PCDH15: variants seen among roughly 807,000 people sequenced by gnomAD.
PCDH15 encodes the protein protocadherin-15.
In PCDH15, 129 loss-of-function variants were observed where a neutral mutation model predicts 178.5. The observed-to-expected ratio is 0.72, with a 90% CI of 0.63 to 0.84. PCDH15 has a LOEUF of 0.84. Ranked by LOEUF, PCDH15 falls within the 40% of genes least tolerant of loss-of-function variation. PCDH15 has a pLI of 0.00. For synonymous variants in PCDH15, 800 were observed against 732.0 expected, an observed-to-expected ratio of 1.09 and a Z score of -1.50; for missense variants, 2,230 against 2,099.9, an observed-to-expected ratio of 1.06 and a Z score of -1.21.
chr10:54,185,140 G>T lies in PCDH15; in HGVS notation c.1434C>A (p.Thr478=). The T allele has an allele frequency of 1.2e-6, 2 of 1,613,326 alleles. No individual in the cohort carries two copies. Among genetic ancestry groups the T allele is most frequent in the Non-Finnish European group, 1.7e-6 (2 of 1,179,544 alleles). Residue 478 remains threonine (T), a synonymous_variant, in exon 12 of 38, where the codon ACC becomes ACA. Coordinates refer to ENST00000644397, the MANE Select transcript of PCDH15 (RefSeq NM_001384140.1). ...TTACACAAAAGCTCTTTACCGAAAAGGTGTAAGTTTGCTGTTCTTCCCTGT... is the reference window on the plus strand; with the variant it reads ...TTACACAAAAGCTCTTTACCGAAAATGTGTAAGTTTGCTGTTCTTCCCTGT... ...PVDREEQQTY[T]FSITAFDGVQ...
At chr10:54,821,068 C>T (rs1055545151) in intron 3 of PCDH15, among the ~76,000 whole-genome samples, 5 of 151,982 alleles carry the variant, frequency 3.3e-5, no homozygotes, top group East Asian at 3.9e-4. Flanking sequence ...CTTACCCAGT[C>T]TTGATTATTT....
At chr10:55,615,140 T>A in intron 2 of PCDH15, among the ~76,000 whole-genome samples, 1 of 152,054 alleles carries the variant, frequency 6.6e-6, no homozygotes, top group East Asian at 1.9e-4. Context: ...ATACAAATCA[T>A]AACATGAAAA....
intron 18 of PCDH15, among the ~76,000 whole-genome samples, chr10:54,049,904 C>T (rs2093731748): frequency 6.6e-6 from 1 of 152,154 alleles, no homozygotes; most frequent in Non-Finnish European, 1.5e-5. Context: ...CAGGTGTGAG[C>T]CATGGTGCCC....
At chr10:54,291,741 G>C (rs2059423566) in intron 8 of PCDH15, among the ~76,000 whole-genome samples, 1 of 152,104 alleles carries the variant, frequency 6.6e-6, no homozygotes, top group Admixed American at 6.5e-5. Context: ...TAAATTCCTG[G>C]ACACATATGC....
rs531737528 is a variant in PCDH15 at position 55,618,273 on chromosome 10, G to T, written c.-156+9352C>A. ...TAGTCATTCACCAGAAAAATTTACT[G>T]AGGTAAACTTTTTTGATTATCCTTT... On this transcript the variant is annotated intron_variant, in intron 2 of 5. Coordinates refer to the PCDH15 transcript ENST00000613346. Among the ~76,000 whole-genome samples, 22 of 152,032 alleles carry T rather than the reference G, an allele frequency of 1.4e-4. 1 individual carries two copies. The highest frequency in any genetic ancestry group is 5.1e-4 in the African/African-American group (21 of 41,526).
chr10:53,995,688 T>C lies in PCDH15; in HGVS notation c.2829A>G (p.Thr943=), dbSNP rs2091801237. ...GMVAPDAVKG[T]PITTVYAEDA... is the part of the protein sequence containing the mutation. Reference sequence around the variant, plus strand: ...CTTCAGCATAAACTGTTGTGATAGGTGTACCCTTGACTGCATCCGGAGCCA... The same window carrying C: ...CTTCAGCATAAACTGTTGTGATAGGCGTACCCTTGACTGCATCCGGAGCCA... The change falls in exon 21 of 38, where the codon ACA becomes ACG. Residue 943 remains threonine (T), a synonymous_variant. Transcript: ENST00000644397. 8 of 1,613,954 alleles carry C rather than the reference T, an allele frequency of 5.0e-6. No individual in the cohort carries two copies. Among genetic ancestry groups the C allele is most frequent in the Non-Finnish European group, 5.9e-6 (7 of 1,179,850 alleles).
In PCDH15 at chr10:54,084,108, C is replaced by A. The variant is rs185936089; in HGVS notation, c.1998-4684G>T. Reference sequence around the variant, plus strand: ...CTTTTTTTTTTTTATTTTTTTGAGACAGAGTCTCTCTCTGTTGCCCAGGCT... The same window carrying A: ...CTTTTTTTTTTTTATTTTTTTGAGAAAGAGTCTCTCTCTGTTGCCCAGGCT... On this transcript the variant is annotated intron_variant, in intron 16 of 37. Transcript: ENST00000644397. Among the ~76,000 whole-genome samples the A allele has an allele frequency of 2.0e-3, 305 of 149,842 alleles. 1 individual carries two copies. The highest frequency in any genetic ancestry group is 7.1e-3 in the African/African-American group (289 of 40,714).
chr10:54,965,464 T>C (rs1266245785), intron 2 of PCDH15, among the ~76,000 whole-genome samples: 1 of 152,070 alleles, frequency 6.6e-6, no homozygotes, highest in Non-Finnish European at 1.5e-5. Flanking sequence ...TCCTTGACCT[T>C]CTGCCATGAT....
In PCDH15 at chr10:53,842,212, T is replaced by C. The variant is rs142524363; in HGVS notation, c.3807-1716A>G. Among the ~76,000 whole-genome samples, 34 of 152,272 alleles carry C rather than the reference T, an allele frequency of 2.2e-4. No homozygotes were observed. In the East Asian group the frequency reaches 6.6e-3, roughly 29 times the overall value. On this transcript the variant is annotated intron_variant, in intron 28 of 37. Coordinates refer to ENST00000644397, the MANE Select transcript of PCDH15 (RefSeq NM_001384140.1). The stretch of plus-strand genomic sequence containing the variant: ...AATTTTAATTTCCTTTGCCTTTCAA[T>C]TGCATAACCTTAGACAAGTAATCTT...
intron 2 of PCDH15, among the ~76,000 whole-genome samples, chr10:55,028,333 A>G (rs1840526706): frequency 6.6e-6 from 1 of 151,924 alleles, no homozygotes; most frequent in Non-Finnish European, 1.5e-5. Context: ...AGTAAATCTA[A>G]GAAGAAAATT....
intron 26 of PCDH15, among the ~76,000 whole-genome samples, chr10:53,880,309 A>G (rs1431328476): frequency 6.6e-6 from 1 of 152,246 alleles, no homozygotes; most frequent in East Asian, 1.9e-4. Flanking sequence ...TGCTAACAGT[A>G]CAAGTCATTT....
At chr10:54,470,757 C>T (rs2077860531) in intron 3 of PCDH15, among the ~76,000 whole-genome samples, 1 of 152,138 alleles carries the variant, frequency 6.6e-6, no homozygotes, top group Non-Finnish European at 1.5e-5. Flanking sequence ...GGCTGCCTCG[C>T]TTTGGTCTCC....
chr10:55,307,275 G>A (rs888381824), intron 1 of PCDH15, among the ~76,000 whole-genome samples: 4 of 152,004 alleles, frequency 2.6e-5, no homozygotes, highest in Non-Finnish European at 2.9e-5. Flanking sequence ...GGCCGAGGCA[G>A]GCGGATCACG....
chr10:55,627,079 GGAGA>G (rs973966603), intron 2 of PCDH15, among the ~76,000 whole-genome samples: 1 of 152,052 alleles, frequency 6.6e-6, no homozygotes, highest in African/African-American at 2.4e-5. Flanking sequence ...GAGAGATAAA[GGAGA>G]GAAACTCTAA....
chr10:54,327,641 G>C (rs537441889), intron 7 of PCDH15, among the ~76,000 whole-genome samples: 4 of 151,612 alleles, frequency 2.6e-5, no homozygotes, highest in African/African-American at 9.7e-5. Context: ...TCTAAGAAAG[G>C]CAAGAAAATG....
chr10:54,727,609 C>T (rs1049521411), intron 1 of PCDH15, among the ~76,000 whole-genome samples: 1 of 151,128 alleles, frequency 6.6e-6, no homozygotes, highest in Admixed American at 6.6e-5. Flanking sequence ...CTGAACTGAA[C>T]AAAACTGAGA....
At chr10:54,245,742 GA>G (rs137984180) in intron 8 of PCDH15, among the ~76,000 whole-genome samples, 8,215 of 146,872 alleles carry the variant, frequency 0.056, 571 homozygotes, top group African/African-American at 0.17. Flanking sequence ...TAAGTTCAAG[GA>G]AAAAAAAAAT....
chr10:55,322,563 T>A (rs1038925739), upstream of PCDH15, among the ~76,000 whole-genome samples: 1 of 152,042 alleles, frequency 6.6e-6, no homozygotes, highest in Non-Finnish European at 1.5e-5. Flanking sequence ...GTGATATAGA[T>A]AATAAAGTCC....
chr10:54,991,311 T>C (rs12249056), intron 2 of PCDH15, among the ~76,000 whole-genome samples: 52,265 of 152,058 alleles, frequency 0.34, 10,469 homozygotes, highest in African/African-American at 0.55. Context: ...CATATAAATA[T>C]ATTGTTCCAC....
Sources: gnomAD v4.1 joint callset for allele counts (sites outside exome capture counted in the v4.1 genomes callset) on GRCh38, gnomAD v4.1.1 for gene constraint, MANE v1.5 for transcripts, NCBI Gene and HGNC (gene_info 2026-07-23, HGNC 2026-07-21) for gene names.